MYH11: variants seen among roughly 807,000 people sequenced by gnomAD.
MYH11 encodes myosin heavy chain 11.
In MYH11, 80 loss-of-function variants were observed where a neutral mutation model predicts 246.6. That is an observed-to-expected ratio of 0.32 (90% CI 0.27 to 0.39). The LOEUF is 0.39. MYH11 is among the 10% of genes least tolerant of loss of function. MYH11 has a pLI of 1.00. For synonymous variants in MYH11, 1,071 were observed against 1,015.5 expected (o/e 1.05, Z -1.04); for missense variants, 2,158 against 2,546.8 (o/e 0.85, Z 3.29).
rs751495086 is a variant in MYH11 at position 15,717,269 on chromosome 16, C to T, written c.5375G>A (p.Arg1792Gln). 7.4e-5 allele frequency: 120 copies of T among 1,613,882 alleles called. 1 individual carries two copies. The highest frequency in any genetic ancestry group is 9.8e-5 in the Non-Finnish European group (116 of 1,180,042). ...KNESARQQLERQNKELRSKLH... is the reference protein window; with the variant it reads ...KNESARQQLEQQNKELRSKLH... ...CTTGCTCCGGAGCTCCTTGTTCTGC[C>T]GCTCGAGCTGCTGCCGGGCACTCTC... The change falls in exon 38 of 41, where the codon CGG (arginine) becomes CAG (glutamine). Residue 1792 changes from arginine to glutamine, a missense_variant. Transcript: ENST00000300036.
At chr16:15,726,779 A>C in intron 28 of MYH11, 69 bp downstream of exon 28, 6 of 1,568,628 alleles carry the variant, frequency 3.8e-6, no homozygotes, top group Non-Finnish European at 5.2e-6. Flanking sequence ...CGAGCCGGGA[A>C]GAGGCTCCTC....
Position 15,718,286 on chromosome 16 carries a change from C to T in MYH11, c.5295+29G>A, listed in dbSNP as rs570946100. On this transcript the variant is annotated intron_variant, in intron 37 of 40. Coordinates refer to ENST00000300036, the MANE Select transcript of MYH11 (RefSeq NM_002474.3). ...CTGCTGCAGGAGAGACAGTAGGCAG[C>T]GTGACTGTGGTGTCCAGGCGGCCCT... 23 of 1,606,520 alleles carry T rather than the reference C, an allele frequency of 1.4e-5. No individual in the cohort carries two copies. The East Asian group carries it at 1.6e-4, about 11-fold the overall frequency.
At position 15,747,692 on chromosome 16, in the gene MYH11, T is replaced by C. The variant is rs912543441; in HGVS notation, c.2289A>G (p.Ile763Met). The C allele has an allele frequency of 2.5e-6, 4 of 1,614,102 alleles. No homozygotes were observed. The highest frequency in any genetic ancestry group is 1.7e-4 in the Middle Eastern group (1 of 6,060). ...TTCGGAAGAAGATTTTGCTCTGCCC[T>C]ATCCTGTATAAGTTGGGGTCAAGTT... ...ALELDPNLYR[I>M]GQSKIFFRTG... is the part of the protein sequence containing the mutation. Residue 763 changes from isoleucine to methionine, a missense_variant, in exon 19 of 41, where the codon ATA becomes ATG. Physicochemically the swap from Ile to Met is conservative, Grantham distance 10 (BLOSUM62 1). Around this residue, in one of 11 missense-constraint regions of MYH11, gnomAD observed 56 missense variants for 47.2 expected, o/e 1.19. Transcript: ENST00000300036.
intron 3 of MYH11, among the ~76,000 whole-genome samples, chr16:15,807,779 A>C (rs2043048872): frequency 6.6e-6 from 1 of 152,090 alleles, no homozygotes; most frequent in Non-Finnish European, 1.5e-5. Flanking sequence ...CGGATGTGTA[A>C]GGCCCCAGGC....
Position 15,704,051 on chromosome 16 carries a change from A to T in MYH11, c.5859T>A (p.Gly1953=), listed in dbSNP as rs1339159334. Residue 1953 remains glycine (G), a synonymous_variant, in exon 41 of 41, where the codon GGT becomes GGA. Coordinates refer to ENST00000300036, the MANE Select transcript of MYH11 (RefSeq NM_002474.3). ...CTCGAGTGTCCGTTTCCTCCTCAGAACCATCTGCATTTTCAATAACTCTAC... is the reference window on the plus strand; with the variant it reads ...CTCGAGTGTCCGTTTCCTCCTCAGATCCATCTGCATTTTCAATAACTCTAC... ...GGRRVIENAD[G]SEEETDTRDA... is the part of the protein sequence containing the mutation. The T allele has an allele frequency of 1.9e-6, 3 of 1,614,032 alleles. No homozygotes were observed. The African/African-American group carries it at 4.0e-5, about 22-fold the overall frequency.
At chr16:15,780,446 C>T (rs1284159735) in intron 6 of MYH11, among the ~76,000 whole-genome samples, 1 of 144,348 alleles carries the variant, frequency 6.9e-6, no homozygotes, top group African/African-American at 2.6e-5. Flanking sequence ...GGCTTAGAAC[C>T]TAACCTTTAT....
At chr16:15,793,545 G>A (rs117537739) in intron 4 of MYH11, among the ~76,000 whole-genome samples, 9,864 of 151,724 alleles carry the variant, frequency 0.065, 407 homozygotes, top group Non-Finnish European at 0.095. Context: ...CTCCCGCCTC[G>A]GCCTCTCAAG....
At position 15,724,899 on chromosome 16, in the gene MYH11, G is replaced by C; in HGVS notation, c.3952C>G (p.Gln1318Glu). Reference protein sequence around the residue: ...KDVASLSSQLQDTQELLQEET... With the variant: ...KDVASLSSQLEDTQELLQEET... ...GGCAGGACACTCACCTGGGTGTCCT[G>C]GAGCTGGGAACTGAGGGACGCCACG... Residue 1318 changes from glutamine (Q) to glutamate (E), a missense_variant, in exon 29 of 41, where the codon CAG becomes GAG. By Grantham distance (29) the Gln-to-Glu change is conservative. Coordinates refer to ENST00000300036, the MANE Select transcript of MYH11 (RefSeq NM_002474.3). 6.2e-7 allele frequency: 1 copy of C among 1,614,106 alleles called. No individual in the cohort carries two copies.
intron 1 of MYH11, among the ~76,000 whole-genome samples, chr16:15,850,241 C>T (rs1393079028): frequency 2.6e-5 from 4 of 151,982 alleles, no homozygotes; most frequent in Non-Finnish European, 5.9e-5. Flanking sequence ...AAAAAATAGC[C>T]AGGTGTGGTG....
chr16:15,724,701 C>G lies in MYH11; in HGVS notation c.4062G>C (p.Glu1354Asp), dbSNP rs760669243. 2 of 1,614,194 alleles carry G rather than the reference C, an allele frequency of 1.2e-6. No individual in the cohort carries two copies. Among genetic ancestry groups the G allele is most frequent in the Non-Finnish European group, 1.7e-6 (2 of 1,180,030 alleles). Residue 1354 changes from glutamate (E) to aspartate (D), a missense_variant, in exon 30 of 41, where the codon GAG becomes GAC. Glu to Asp is a conservative substitution (Grantham distance 45). Around this residue, in one of 11 missense-constraint regions of MYH11, gnomAD observed 1,013 missense variants for 993.5 expected, o/e 1.02. Coordinates refer to ENST00000300036, the MANE Select transcript of MYH11 (RefSeq NM_002474.3). ...ERNSLQDQLD[E>D]EMEAKQNLER... ...CCAGGTTCTGCTTGGCCTCCATCTC[C>G]TCGTCCAGCTGGTCTTGCAGGCTGT... is the stretch of plus-strand genomic sequence containing the variant.
chr16:15,827,523 G>A (rs1324386606), intron 2 of MYH11, among the ~76,000 whole-genome samples: 1 of 152,104 alleles, frequency 6.6e-6, no homozygotes, highest in Non-Finnish European at 1.5e-5. Flanking sequence ...AGCCTGGTGG[G>A]GCTGGGAGTG....
chr16:15,786,045 G>A (rs1212674191), intron 5 of MYH11: 1 of 251,500 alleles, frequency 4.0e-6, no homozygotes, highest in Non-Finnish European at 7.8e-6. Flanking sequence ...AGTGATACCA[G>A]CATCTCCATC....
intron 20 of MYH11, among the ~76,000 whole-genome samples, chr16:15,743,956 T>G (rs2041346635): frequency 6.6e-6 from 1 of 152,120 alleles, no homozygotes; most frequent in African/African-American, 2.4e-5. Context: ...CTGGAGGCCC[T>G]GACTCTGCCA....
At chr16:15,776,630 G>A (rs11075280) in intron 7 of MYH11, among the ~76,000 whole-genome samples, 29,564 of 152,056 alleles carry the variant, frequency 0.19, 2,982 homozygotes, top group East Asian at 0.29. Flanking sequence ...AACTATTATC[G>A]GTGTTTTCAA....
intron 4 of MYH11, among the ~76,000 whole-genome samples, chr16:15,788,794 A>ATG (rs1491200616): frequency 0.048 from 5,139 of 107,608 alleles, 119 homozygotes; most frequent in African/African-American, 0.076. Flanking sequence ...TAAGACCAGA[A>ATG]TATATGTGTG....
chr16:15,776,663 G>A (rs1238828474), intron 7 of MYH11, among the ~76,000 whole-genome samples: 1 of 152,218 alleles, frequency 6.6e-6, no homozygotes, highest in Non-Finnish European at 1.5e-5. Context: ...GAGGCTCAGA[G>A]AAGAGAAGTC....
At chr16:15,708,914 T>A in intron 40 of MYH11, 1 of 1,408,446 alleles carries the variant, frequency 7.1e-7, no homozygotes, top group Non-Finnish European at 9.9e-7. Context: ...ATATTCTTAA[T>A]TGTTAAAGAC....
chr16:15,718,448 G>C lies in MYH11; in HGVS notation c.5172-10C>G, dbSNP rs757411784. On this transcript the variant is annotated splice_polypyrimidine_tract_variant and intron_variant, in intron 36 of 40. Transcript: ENST00000300036. Reference sequence around the variant, plus strand: ...GTCCTGGAGTGCGTTCCTGGGGGAAGGGCGGCCATGGTGGGGGCCTCTACC... The same window carrying C: ...GTCCTGGAGTGCGTTCCTGGGGGAACGGCGGCCATGGTGGGGGCCTCTACC... 2.6e-6 allele frequency: 4 copies of C among 1,550,490 alleles called. No homozygotes were observed. Among genetic ancestry groups the C allele is most frequent in the Non-Finnish European group, 3.5e-6 (4 of 1,151,226 alleles).
Position 15,717,190 on chromosome 16 carries a change from C to T in MYH11, c.5454G>A (p.Ala1818=), listed in dbSNP as rs374486989. Residue 1818 remains alanine (A), a synonymous_variant, in exon 38 of 41, where the codon GCG becomes GCA. Coordinates refer to ENST00000300036, the MANE Select transcript of MYH11 (RefSeq NM_002474.3). ...CCAGCTGTGCAATCTTGGCCTCCAGCGCCGCGATGGTGGACTTGAACTTGG... is the reference window on the plus strand; with the variant it reads ...CCAGCTGTGCAATCTTGGCCTCCAGTGCCGCGATGGTGGACTTGAACTTGG... ...VKSKFKSTIA[A]LEAKIAQLEE... 2.6e-5 allele frequency: 42 copies of T among 1,614,062 alleles called. No homozygotes were observed. Among genetic ancestry groups the T allele is most frequent in the East Asian group, 4.5e-5 (2 of 44,888 alleles).
Sources: allele counts gnomAD v4.1 joint callset (sites outside exome capture counted in the v4.1 genomes callset), GRCh38; gene constraint gnomAD v4.1.1; regional missense constraint gnomAD v4.1.1; transcripts MANE v1.5; gene names NCBI Gene and HGNC (gene_info 2026-07-23, HGNC 2026-07-21).